Variants in SENP1 observed in about 807,000 individuals in gnomAD.
SENP1 encodes SUMO specific peptidase 1, also known as sentrin-specific protease 1.
In SENP1, 21 loss-of-function variants were observed where a neutral mutation model predicts 93.0. The observed-to-expected ratio is 0.23, with a 90% CI of 0.16 to 0.33. SENP1 has a LOEUF of 0.33. Among genes scored for constraint, SENP1 ranks in the 10% least tolerant of loss-of-function variants. The pLI is 1.00. For missense variants in SENP1, 591 were observed against 758.7 expected, an observed-to-expected ratio of 0.78 and a Z score of 2.60; for synonymous variants, 256 against 259.6, an observed-to-expected ratio of 0.99 and a Z score of 0.13.
intron 4 of SENP1, among the ~76,000 whole-genome samples, chr12:48,089,682 T>C (rs1945099957): frequency 6.6e-6 from 1 of 152,140 alleles, no homozygotes; most frequent in African/African-American, 2.4e-5. Context: ...CAGCTAGGAG[T>C]GGTAGAATAA....
At chr12:48,062,254 TA>T (rs1215624393) in intron 13 of SENP1, among the ~76,000 whole-genome samples, 1 of 152,208 alleles carries the variant, frequency 6.6e-6, no homozygotes, top group East Asian at 1.9e-4. Context: ...TGGCAGGAAA[TA>T]AATGGCAAAG....
At chr12:48,089,189 C>T (rs774372226) in intron 4 of SENP1, 4 of 1,513,564 alleles carry the variant, frequency 2.6e-6, no homozygotes, top group Middle Eastern at 1.8e-4. Context: ...GAGCTGAATC[C>T]TGCCACAGCC....
intron 6 of SENP1, chr12:48,081,570 G>GTTTTTTTTTTTTTTT (rs397962697): frequency 8.4e-6 from 1 of 119,336 alleles, no homozygotes. Flanking sequence ...GTGTTTTTTC[G>GTTTTTTTTTTTTTTT]TTTTTTTTTT....
chr12:48,083,444 C>A (rs1489520238), intron 6 of SENP1, 147 bp downstream of exon 6: 2 of 683,140 alleles, frequency 2.9e-6, no homozygotes, highest in South Asian at 1.8e-5. Context: ...TAGATGATAA[C>A]ACTCAAAAAG....
chr12:48,042,994 T>C lies in SENP1; in HGVS notation c.*2328A>G, dbSNP rs1251095615. The C allele has an allele frequency of 1.3e-5, 2 of 152,184 alleles. No individual in the cohort carries two copies. Among genetic ancestry groups the C allele is most frequent in the African/African-American group, 4.8e-5 (2 of 41,442 alleles). The allele number at this position is 152,184 out of a possible 1,614,324, so 9.4% of individuals were successfully genotyped here. ...TAAAATGCAGAAATACCTTTTTTTT[T>C]TTCCTGGTCATCAAAGCCTACCCCT... On this transcript the variant is annotated 3_prime_UTR_variant, in exon 18 of 18. Transcript: ENST00000549518.
intron 12 of SENP1, among the ~76,000 whole-genome samples, chr12:48,064,705 C>T (rs1943181155): frequency 6.6e-6 from 1 of 152,220 alleles, no homozygotes; most frequent in Admixed American, 6.5e-5. Flanking sequence ...GAGATGGAGT[C>T]TTGCTCTGTC....
rs1396485827 is a variant in SENP1, at chr12:48,088,977, T to C, written c.221-17A>G. ...AAGGATTATCTAAAAAAATAAAAGT[T>C]TGAATAAATTAAACAAATTCTACAG... On this transcript the variant is annotated splice_polypyrimidine_tract_variant and intron_variant, in intron 4 of 17. Transcript: ENST00000549518. The C allele has an allele frequency of 1.9e-6, 3 of 1,573,296 alleles. No homozygotes were observed. The highest frequency in any genetic ancestry group is 2.6e-6 in the Non-Finnish European group (3 of 1,161,270).
Position 48,044,380 on chromosome 12 carries a change from GTGTATATATATA to G in SENP1, c.*930_*941del, listed in dbSNP as rs1479251606. 2.7e-5 allele frequency: 4 copies of G among 147,228 alleles called. No individual in the cohort carries two copies. The highest frequency in any genetic ancestry group is 7.6e-5 in the African/African-American group (3 of 39,672). The allele number at this position is 147,228 out of a possible 1,614,324, so 9.1% of individuals were successfully genotyped here. ...TACATATATATATATATATATGTAT[GTGTATATATATA>G]TGTATATATATATGAAATTCTCTGT... On this transcript the variant is annotated 3_prime_UTR_variant, in exon 18 of 18. Coordinates refer to ENST00000549518, the MANE Select transcript of SENP1 (RefSeq NM_001267594.2).
chr12:48,076,824 T>C (rs1228316490), intron 6 of SENP1, among the ~76,000 whole-genome samples: 1 of 151,700 alleles, frequency 6.6e-6, no homozygotes, highest in Non-Finnish European at 1.5e-5. Flanking sequence ...TTTTATTATT[T>C]TTAGTAGAGA....
chr12:48,060,110 T>C (rs2136921612), intron 13 of SENP1, among the ~76,000 whole-genome samples: 1 of 152,290 alleles, frequency 6.6e-6, no homozygotes, highest in Middle Eastern at 3.4e-3. Flanking sequence ...CTGGGGATAT[T>C]ATAGCATACA....
chr12:48,044,550 T>C lies in SENP1; in HGVS notation c.*772A>G, dbSNP rs1369926759. 6.6e-6 allele frequency: 1 copy of C among 152,082 alleles called. No homozygotes were observed. Among genetic ancestry groups the C allele is most frequent in the African/African-American group, 2.4e-5 (1 of 41,404 alleles). The allele number at this position is 152,082 out of a possible 1,614,324, so 9.4% of individuals were successfully genotyped here. A position where few individuals can be genotyped will look rare whatever the true frequency, so the allele number is the denominator to read the frequency against. On this transcript the variant is annotated 3_prime_UTR_variant, in exon 18 of 18. Coordinates refer to ENST00000549518, the MANE Select transcript of SENP1 (RefSeq NM_001267594.2). ...AGGCAACAGTAAAAGTGGTGCTTTG[T>C]TGCGCCACTGAAACCGCTCCCTGGG...
At chr12:48,060,013 G>C (rs1942850671) in intron 13 of SENP1, among the ~76,000 whole-genome samples, 2 of 152,118 alleles carry the variant, frequency 1.3e-5, no homozygotes, top group African/African-American at 2.4e-5. Flanking sequence ...TGCACAAATT[G>C]GTACTCAGCC....
chr12:48,085,482 C>T, intron 5 of SENP1: 1 of 592,768 alleles, frequency 1.7e-6, no homozygotes, highest in East Asian at 3.1e-5. Flanking sequence ...GGCCTCTCCC[C>T]AGGCTTGCCA....
chr12:48,082,441 T>C (rs2137124522), intron 6 of SENP1, among the ~76,000 whole-genome samples: 1 of 152,358 alleles, frequency 6.6e-6, no homozygotes, highest in East Asian at 1.9e-4. Context: ...TTACTAGTCA[T>C]GTGACCTATG....
At chr12:48,072,001 C>G (rs1943737453) in intron 8 of SENP1, among the ~76,000 whole-genome samples, 2 of 152,160 alleles carry the variant, frequency 1.3e-5, no homozygotes, top group Non-Finnish European at 2.9e-5. Flanking sequence ...GCTCCCTGTG[C>G]TTCCTGTCTG....
At chr12:48,047,099 G>C (rs1941428635) in intron 15 of SENP1, 37 bp from the exon 16 acceptor site, 5 of 1,298,664 alleles carry the variant, frequency 3.9e-6, no homozygotes, top group South Asian at 3.6e-5. Flanking sequence ...AAGCAGTGGG[G>C]AACATCGATG....
chr12:48,102,760 C>T (rs80263694), intron 1 of SENP1, among the ~76,000 whole-genome samples: 5 of 148,328 alleles, frequency 3.4e-5, no homozygotes, highest in African/African-American at 5.0e-5. Context: ...TACGAGACCA[C>T]GCCACTGGCC....
At chr12:48,093,681 CG>C (rs1480485785) in intron 4 of SENP1, among the ~76,000 whole-genome samples, 1 of 146,104 alleles carries the variant, frequency 6.8e-6, no homozygotes, top group Non-Finnish European at 1.5e-5. Flanking sequence ...TGTGGATGTG[CG>C]TATCAATTCC....
At chr12:48,060,088 C>A (rs1942859409) in intron 13 of SENP1, among the ~76,000 whole-genome samples, 1 of 152,162 alleles carries the variant, frequency 6.6e-6, no homozygotes, top group Admixed American at 6.5e-5. Context: ...ACACACACCC[C>A]ACCCTAGAAA....
Sources: gnomAD v4.1 joint callset for allele counts (sites outside exome capture counted in the v4.1 genomes callset) on GRCh38, gnomAD v4.1.1 for gene constraint, MANE v1.5 for transcripts, NCBI Gene and HGNC (gene_info 2026-07-23, HGNC 2026-07-21) for gene names.